The following GNPTAB variants were observed in gnomAD, a reference collection of about 807,000 sequenced individuals.
GNPTAB encodes N-acetylglucosamine-1-phosphate transferase subunits alpha and beta, also known as N-acetylglucosamine-1-phosphotransferase subunits alpha/beta.
A neutral mutation model predicts 136.6 loss-of-function variants in GNPTAB; 92 were observed. The observed-to-expected ratio is 0.67, with a 90% CI of 0.57 to 0.80. The LOEUF is 0.80. Among genes scored for constraint, GNPTAB ranks in the 30% least tolerant of loss-of-function variants. The pLI is 0.00. For missense variants in GNPTAB, 1,343 were observed against 1,501.8 expected (o/e 0.89, Z 1.75); for synonymous variants, 512 against 535.1 (o/e 0.96, Z 0.60).
chr12:101,792,479 T>C (rs2137153676), intron 2 of GNPTAB, among the ~76,000 whole-genome samples: 1 of 152,350 alleles, frequency 6.6e-6, no homozygotes, highest in East Asian at 1.9e-4. Context: ...CTAAAGTCTT[T>C]CATAATCTGC....
chr12:101,788,929 A>T (rs10778150), intron 3 of GNPTAB, among the ~76,000 whole-genome samples: 94,490 of 152,136 alleles, frequency 0.62, 30,912 homozygotes, highest in East Asian at 0.92. Context: ...GTCCGCTGTA[A>T]CTTTCCCAGA....
chr12:101,785,648 A>C (rs949183526), intron 5 of GNPTAB: 5 of 208,524 alleles, frequency 2.4e-5, no homozygotes, highest in Admixed American at 5.5e-5. Flanking sequence ...CAGAATGTAA[A>C]GAATCAATAC....
intron 2 of GNPTAB, chr12:101,796,209 G>C: frequency 1.4e-6 from 1 of 702,276 alleles, no homozygotes; most frequent in Non-Finnish European, 2.6e-6. Context: ...CTGTGTAGTA[G>C]CCACCTGGTT....
intron 1 of GNPTAB, among the ~76,000 whole-genome samples, chr12:101,825,854 A>T (rs1199536198): frequency 6.6e-6 from 1 of 152,214 alleles, no homozygotes; most frequent in African/African-American, 2.4e-5. Context: ...AATAGATAAG[A>T]GGGGCTACTC....
At chr12:101,800,908 A>G (rs1869581797) in intron 1 of GNPTAB, among the ~76,000 whole-genome samples, 1 of 152,194 alleles carries the variant, frequency 6.6e-6, no homozygotes, top group African/African-American at 2.4e-5. Context: ...GCCTCTCTAC[A>G]AGACACGATC....
chr12:101,824,815 TG>T, intron 1 of GNPTAB, among the ~76,000 whole-genome samples: 1 of 152,302 alleles, frequency 6.6e-6, no homozygotes, highest in East Asian at 1.9e-4. Context: ...AAGCTAGGTC[TG>T]AGTTGGGAGT....
intron 7 of GNPTAB, among the ~76,000 whole-genome samples, chr12:101,774,579 T>C (rs1237589131): frequency 6.6e-6 from 1 of 152,186 alleles, no homozygotes; most frequent in African/African-American, 2.4e-5. Context: ...TATAATTCAG[T>C]ATAACTGACC....
At chr12:101,751,950 A>G (rs187988153) in intron 19 of GNPTAB, among the ~76,000 whole-genome samples, 2 of 151,782 alleles carry the variant, frequency 1.3e-5, no homozygotes, top group Non-Finnish European at 2.9e-5. Flanking sequence ...CCTACTACAG[A>G]GTTGTTAGAA....
intron 1 of GNPTAB, among the ~76,000 whole-genome samples, chr12:101,807,586 C>T (rs1448070715): frequency 2.0e-5 from 3 of 151,820 alleles, no homozygotes; most frequent in Non-Finnish European, 4.4e-5. Flanking sequence ...TCAACAACAA[C>T]AACAAAATCT....
At chr12:101,823,485 C>T (rs1211935083) in intron 1 of GNPTAB, among the ~76,000 whole-genome samples, 1 of 151,886 alleles carries the variant, frequency 6.6e-6, no homozygotes, top group African/African-American at 2.4e-5. Flanking sequence ...TGGTGGGTGC[C>T]TGTAATCCCA....
rs1012301756 is a variant in GNPTAB at position 101,790,118 on chromosome 12, G to C, written c.204-61C>G. On this transcript the variant is annotated intron_variant, in intron 2 of 20. Transcript: ENST00000299314. ...ATTTTTCCAATATATTTGGTAATAA[G>C]AATATCACAGGGTTTAAACCCAGAG... is the stretch of plus-strand genomic sequence containing the variant. 182 of 1,610,082 alleles carry C rather than the reference G, an allele frequency of 1.1e-4. 1 individual carries two copies. In the Admixed American group the frequency reaches 3.0e-3, roughly 27 times the overall value.
chr12:101,810,846 A>C (rs886294435), intron 1 of GNPTAB, among the ~76,000 whole-genome samples: 6 of 152,170 alleles, frequency 3.9e-5, no homozygotes, highest in African/African-American at 1.4e-4. Context: ...GCTGAGACCT[A>C]TGTTGACAAG....
chr12:101,822,334 AC>A (rs1260720272), intron 1 of GNPTAB, among the ~76,000 whole-genome samples: 10 of 152,096 alleles, frequency 6.6e-5, no homozygotes, highest in South Asian at 4.2e-4. Flanking sequence ...AATGGCGTGA[AC>A]CCCGGGGGGC....
chr12:101,793,648 G>C (rs1427424740), intron 2 of GNPTAB, among the ~76,000 whole-genome samples: 1 of 152,036 alleles, frequency 6.6e-6, no homozygotes, highest in Non-Finnish European at 1.5e-5. Context: ...CATTATCTTG[G>C]AGCTGAAAAC....
Position 101,798,604 on chromosome 12 carries a change from T to C in GNPTAB, c.118-1842A>G, listed in dbSNP as rs143915996. Among the ~76,000 whole-genome samples the C allele has an allele frequency of 1.5e-3, 228 of 152,320 alleles. 2 individuals are homozygous for C. The highest frequency in any genetic ancestry group is 4.4e-3 in the African/African-American group (181 of 41,572). On this transcript the variant is annotated intron_variant, in intron 1 of 20. Transcript: ENST00000299314. ...AGACTGTACATGGTACCGTTTGCAA[T>C]TGAGAGAGGTAAACAAACATAAAAA... is the stretch of plus-strand genomic sequence containing the variant.
chr12:101,810,327 T>C (rs1158921011), intron 1 of GNPTAB, among the ~76,000 whole-genome samples: 9 of 151,064 alleles, frequency 6.0e-5, no homozygotes, highest in Admixed American at 2.0e-4. Flanking sequence ...ATACAGGAAT[T>C]TCCTGTACCT....
chr12:101,788,823 C>G (rs1490125965), intron 3 of GNPTAB, among the ~76,000 whole-genome samples: 2 of 152,184 alleles, frequency 1.3e-5, no homozygotes, highest in Non-Finnish European at 2.9e-5. Context: ...TCTTGACATT[C>G]ACAAAGAAGT....
intron 7 of GNPTAB, chr12:101,778,198 C>G (rs1383451934): frequency 2.0e-5 from 3 of 152,184 alleles, no homozygotes; most frequent in African/African-American, 2.4e-5. Context: ...CCAGTAGACG[C>G]ATGAGAGCAG....
intron 19 of GNPTAB, among the ~76,000 whole-genome samples, chr12:101,751,582 T>C (rs892515590): frequency 1.3e-5 from 2 of 152,252 alleles, no homozygotes; most frequent in Non-Finnish European, 2.9e-5. Context: ...AGCTTTGGAA[T>C]ATAGTGGAAT....
Sources: allele counts gnomAD v4.1 joint callset (sites outside exome capture counted in the v4.1 genomes callset), GRCh38; gene constraint gnomAD v4.1.1; transcripts MANE v1.5; gene names NCBI Gene and HGNC (gene_info 2026-07-23, HGNC 2026-07-21).